The following CIROZ variants were observed in gnomAD, a reference collection of about 807,000 sequenced individuals.
The protein encoded by CIROZ is ciliated left-right organizer ZP-N domains-containing protein.
chr1:10,958,246 A>G, the CIROZ span, among the ~76,000 whole-genome samples: 1 of 152,196 alleles, frequency 6.6e-6, no homozygotes, highest in Non-Finnish European at 1.5e-5. Flanking sequence ...GGTCAAGCTC[A>G]CTGACCCCAA....
the CIROZ span, chr1:10,970,055 G>A: frequency 1.4e-5 from 21 of 1,535,960 alleles, no homozygotes; most frequent in Non-Finnish European, 1.7e-5. Context: ...AGTCTGAGAA[G>A]CACTCAACTG....
At chr1:10,960,708 A>C in the CIROZ span, among the ~76,000 whole-genome samples, 4 of 152,216 alleles carry the variant, frequency 2.6e-5, no homozygotes, top group Non-Finnish European at 4.4e-5. This position sits in a 1 kb window ranked among gnomAD's most constrained non-coding sequence, Gnocchi z 4.6. Flanking sequence ...ACCCTTGGGC[A>C]CCCTGCGCCA....
At chr1:10,976,184 C>T in the CIROZ span, 1 of 1,536,922 alleles carries the variant, frequency 6.5e-7, no homozygotes, top group Non-Finnish European at 8.7e-7. Flanking sequence ...CAGAGCTTGG[C>T]TTGTCCGTGT....
At chr1:10,978,337 C>G in the CIROZ span, among the ~76,000 whole-genome samples, 1 of 151,944 alleles carries the variant, frequency 6.6e-6, no homozygotes, top group African/African-American at 2.4e-5. Context: ...GCGTGAGCCA[C>G]TGCACCGAGC....
chr1:10,954,891 C>A, the CIROZ span: 1 of 1,315,480 alleles, frequency 7.6e-7, no homozygotes, highest in Non-Finnish European at 1.0e-6. Context: ...CTGTGACTGG[C>A]CTACCTTCCA....
chr1:10,962,572 A>G, the CIROZ span, among the ~76,000 whole-genome samples: 2 of 152,166 alleles, frequency 1.3e-5, no homozygotes, highest in Non-Finnish European at 2.9e-5. Context: ...GTCCAGCCTC[A>G]GCTCCCTCTG....
At chr1:10,969,871 A>T in the CIROZ span, 1 of 1,419,640 alleles carries the variant, frequency 7.0e-7, no homozygotes, top group Non-Finnish European at 9.2e-7. Context: ...AGTGATGCCC[A>T]GGAACCTGCA....
chr1:10,970,636 G>T, the CIROZ span, among the ~76,000 whole-genome samples: 1 of 151,920 alleles, frequency 6.6e-6, no homozygotes, highest in Non-Finnish European at 1.5e-5. Flanking sequence ...CAAAAAAAAA[G>T]ATTTCCAGTG....
At chr1:10,966,185 C>G in the CIROZ span, among the ~76,000 whole-genome samples, 2 of 152,210 alleles carry the variant, frequency 1.3e-5, no homozygotes, top group South Asian at 4.2e-4. Flanking sequence ...AGCTGGGCGG[C>G]CTTTTAATAT....
the CIROZ span, among the ~76,000 whole-genome samples, chr1:10,965,924 C>T: frequency 5.3e-5 from 8 of 152,236 alleles, no homozygotes; most frequent in African/African-American, 1.9e-4. Context: ...CAAGTGAGGG[C>T]TGTCAGTCAG....
chr1:10,980,627 C>T, the CIROZ span, among the ~76,000 whole-genome samples: 5 of 152,320 alleles, frequency 3.3e-5, no homozygotes, highest in East Asian at 9.6e-4. Context: ...TTGCCAGGGA[C>T]CCCGACTCTG....
the CIROZ span, among the ~76,000 whole-genome samples, chr1:10,955,805 C>T: frequency 5.4e-5 from 8 of 147,448 alleles, no homozygotes; most frequent in Non-Finnish European, 1.2e-4. Flanking sequence ...GATCGCACCA[C>T]TGCACTCCCA....
At chr1:10,957,128 C>T in the CIROZ span, 1 of 1,539,750 alleles carries the variant, frequency 6.5e-7, no homozygotes, top group Admixed American at 2.0e-5. Context: ...AGGGGGGTCC[C>T]CCCTGAGGTC....
chr1:10,965,999 C>T, the CIROZ span, among the ~76,000 whole-genome samples: 1 of 152,098 alleles, frequency 6.6e-6, no homozygotes, highest in Non-Finnish European at 1.5e-5. Context: ...CTACTGTGTG[C>T]CAGGCCCTGA....
At chr1:10,964,438 C>T in the CIROZ span, among the ~76,000 whole-genome samples, 3 of 152,164 alleles carry the variant, frequency 2.0e-5, no homozygotes, top group East Asian at 1.9e-4. Flanking sequence ...GACACCAACA[C>T]GGAGCTTGGG....
At chr1:10,981,797 A>G in the CIROZ span, among the ~76,000 whole-genome samples, 1 of 152,216 alleles carries the variant, frequency 6.6e-6, no homozygotes, top group Admixed American at 6.5e-5. Context: ...TGACAGGAGC[A>G]TGAGAAAGGT....
chr1:10,976,441 TC>T, the CIROZ span, among the ~76,000 whole-genome samples: 1 of 151,066 alleles, frequency 6.6e-6, no homozygotes, highest in Admixed American at 6.6e-5. Context: ...AACCTCCGCC[TC>T]CCCGGTTTAA....
chr1:10,968,652 C>G, the CIROZ span, among the ~76,000 whole-genome samples: 1 of 152,162 alleles, frequency 6.6e-6, no homozygotes, highest in Non-Finnish European at 1.5e-5. Context: ...TGCTTGCTGT[C>G]CCCTCAAGTT....
the CIROZ span, chr1:10,954,102 A>G: frequency 6.2e-7 from 1 of 1,613,436 alleles, no homozygotes; most frequent in African/African-American, 1.3e-5. Context: ...TACCCTATAG[A>G]AAGCTTGTGT....
Sources: gnomAD v4.1 joint callset for allele counts (sites outside exome capture counted in the v4.1 genomes callset) on GRCh38, gnomAD v4.1.1 for gene constraint, Gnocchi (gnomAD v3.1) non-coding constraint, MANE v1.5 for transcripts, NCBI Gene and HGNC (gene_info 2026-07-23, HGNC 2026-07-21) for gene names.